The following ROCK2 variants were observed in gnomAD, a reference collection of about 807,000 sequenced individuals.
The protein encoded by ROCK2 is rho-associated protein kinase 2.
In ROCK2, 61 loss-of-function variants were observed where a neutral mutation model predicts 195.1. The ratio of observed to expected loss-of-function variants is 0.31; its 90% CI spans 0.25 to 0.39. The LOEUF is 0.39. ROCK2 is among the 10% of genes least tolerant of loss of function. The pLI is 1.00. For synonymous variants in ROCK2, 504 were observed against 545.5 expected, an observed-to-expected ratio of 0.92 and a Z score of 1.06; for missense variants, 1,109 against 1,637.4, an observed-to-expected ratio of 0.68 and a Z score of 5.57.
intron 1 of ROCK2, among the ~76,000 whole-genome samples, chr2:11,315,504 T>G (rs933055984): frequency 2.6e-5 from 4 of 152,096 alleles, no homozygotes; most frequent in Admixed American, 6.6e-5. Flanking sequence ...GTCGGCATAA[T>G]ATAAGTTTTA....
At chr2:11,187,636 T>C (rs1264898887) in intron 32 of ROCK2, among the ~76,000 whole-genome samples, 2 of 152,222 alleles carry the variant, frequency 1.3e-5, no homozygotes, top group African/African-American at 4.8e-5. Context: ...TAAGAACTTT[T>C]CGTATGTGAA....
intron 3 of ROCK2, among the ~76,000 whole-genome samples, chr2:11,273,793 T>C (rs973766753): frequency 6.6e-6 from 1 of 151,642 alleles, no homozygotes; most frequent in Non-Finnish European, 1.5e-5. Flanking sequence ...CCAACCACAA[T>C]GGGATGAAGT....
At position 11,303,551 on chromosome 2, in the gene ROCK2, G is replaced by A. The variant is rs532631644; in HGVS notation, c.142-15815C>T. ...TCCCATGATCTCTTCATTTCTTCTC[G>A]CCGCCTTCTCTACTTGATTACTGCC... is the stretch of plus-strand genomic sequence containing the variant. On this transcript the variant is annotated intron_variant, in intron 1 of 32. Transcript: ENST00000315872. 5.3e-5 allele frequency among the ~76,000 whole-genome samples: 8 copies of A among 151,864 alleles called. No homozygotes were observed. In the East Asian group the frequency reaches 5.8e-4, roughly 11 times the overall value.
At chr2:11,225,821 TACAA>T (rs1206804200) in intron 6 of ROCK2, among the ~76,000 whole-genome samples, 4 of 152,278 alleles carry the variant, frequency 2.6e-5, no homozygotes, top group Admixed American at 6.5e-5. Flanking sequence ...ATATGATGCG[TACAA>T]ACAGACTCAC....
rs1665061285 is a variant in ROCK2, at chr2:11,232,673, G to A, written c.723+3029C>T. On this transcript the variant is annotated intron_variant, in intron 5 of 32. Transcript: ENST00000315872. Reference sequence around the variant, plus strand: ...ACAACATTTTAAAAGTTCAGTATTTGTTAAAGAACACCTTTGACTACATCA... The same window carrying A: ...ACAACATTTTAAAAGTTCAGTATTTATTAAAGAACACCTTTGACTACATCA... Among the ~76,000 whole-genome samples, 3 of 152,100 alleles carry A rather than the reference G, an allele frequency of 2.0e-5. No homozygotes were observed. In the South Asian group the frequency reaches 6.2e-4, roughly 31 times the overall value.
At position 11,308,310 on chromosome 2, in the gene ROCK2, T is replaced by A. The variant is rs570114411; in HGVS notation, c.142-20574A>T. The A allele has an allele frequency of 6.3e-6, 7 of 1,118,184 alleles. No homozygotes were observed. The African/African-American group carries it at 1.1e-4, about 17-fold the overall frequency. 69.3% of individuals were successfully genotyped at this position (1,118,184 alleles called of 1,614,324 possible). The stretch of plus-strand genomic sequence containing the variant: ...GAGAACCTGAAGAAGCTAGAACCAA[T>A]CCTAAAGAATATTCTTACATATAAT... On this transcript the variant is annotated intron_variant, in intron 1 of 32. Coordinates refer to ENST00000315872, the MANE Select transcript of ROCK2 (RefSeq NM_004850.5).
chr2:11,194,054 C>CA (rs1663534662), intron 29 of ROCK2, 197 bp from the exon 30 acceptor site: 1 of 454,746 alleles, frequency 2.2e-6, no homozygotes, highest in African/African-American at 2.0e-5. Flanking sequence ...TAATTAGTTT[C>CA]AAAAAATAAT....
intron 1 of ROCK2, among the ~76,000 whole-genome samples, chr2:11,337,961 A>G (rs990888432): frequency 6.6e-6 from 1 of 152,136 alleles, no homozygotes; most frequent in African/African-American, 2.4e-5. Context: ...CTTAAAAAGT[A>G]AACACATATC....
chr2:11,229,710 T>C (rs1664938409), intron 5 of ROCK2, among the ~76,000 whole-genome samples: 1 of 150,096 alleles, frequency 6.7e-6, no homozygotes. Flanking sequence ...ATAAACTAAG[T>C]AACTATGGAA....
intron 20 of ROCK2, among the ~76,000 whole-genome samples, chr2:11,202,800 C>G (rs1420674654): frequency 6.6e-6 from 1 of 152,100 alleles, no homozygotes; most frequent in African/African-American, 2.4e-5. Context: ...CCGGCAGAAC[C>G]CTTGATAATT....
intron 18 of ROCK2, among the ~76,000 whole-genome samples, chr2:11,209,070 C>T (rs10454126): frequency 0.81 from 123,027 of 152,144 alleles, 51,335 homozygotes; most frequent in East Asian, 0.99. Context: ...TTCTTATATT[C>T]TACTGCTTAC....
chr2:11,319,148 G>T (rs1048200230), intron 1 of ROCK2, among the ~76,000 whole-genome samples: 4 of 152,142 alleles, frequency 2.6e-5, no homozygotes, highest in Non-Finnish European at 4.4e-5. Context: ...AAGAAAGTCA[G>T]TGGTAGCTTG....
intron 1 of ROCK2, among the ~76,000 whole-genome samples, chr2:11,337,233 A>C (rs1668956738): frequency 6.6e-6 from 1 of 151,964 alleles, no homozygotes; most frequent in Admixed American, 6.5e-5. Context: ...CAACTCAGCA[A>C]GACTCTACCT....
intron 5 of ROCK2, among the ~76,000 whole-genome samples, chr2:11,229,801 T>A (rs183367928): frequency 2.0e-5 from 3 of 152,266 alleles, no homozygotes; most frequent in African/African-American, 7.2e-5. Flanking sequence ...GGTTAGCAAA[T>A]CTGTTTGTCA....
intron 1 of ROCK2, among the ~76,000 whole-genome samples, chr2:11,320,457 C>T (rs1668366914): frequency 1.3e-5 from 2 of 152,168 alleles, no homozygotes; most frequent in South Asian, 4.1e-4. Flanking sequence ...AAGACACCAA[C>T]ATTGAGTCCT....
intron 1 of ROCK2, among the ~76,000 whole-genome samples, chr2:11,330,616 T>C (rs946409494): frequency 4.6e-5 from 7 of 151,924 alleles, no homozygotes; most frequent in Admixed American, 3.9e-4. Context: ...AAGCGGAGGC[T>C]GCAGTGAGCC....
At chr2:11,203,344 CAT>C (rs1408871675) in intron 20 of ROCK2, among the ~76,000 whole-genome samples, 1 of 152,104 alleles carries the variant, frequency 6.6e-6, no homozygotes, top group African/African-American at 2.4e-5. Flanking sequence ...CTCAACCTCA[CAT>C]ATATTTGTTC....
chr2:11,319,216 T>C (rs1668324703), intron 1 of ROCK2, among the ~76,000 whole-genome samples: 1 of 152,248 alleles, frequency 6.6e-6, no homozygotes, highest in Non-Finnish European at 1.5e-5. Context: ...TTCCACAATA[T>C]TGATTCTTCC....
chr2:11,293,495 G>A (rs1667422006), intron 1 of ROCK2, among the ~76,000 whole-genome samples: 1 of 152,198 alleles, frequency 6.6e-6, no homozygotes, highest in Non-Finnish European at 1.5e-5. Flanking sequence ...GCAAAAGACA[G>A]GAGCAATAGG....
Sources: allele counts gnomAD v4.1 joint callset (sites outside exome capture counted in the v4.1 genomes callset), GRCh38; gene constraint gnomAD v4.1.1; transcripts MANE v1.5; gene names NCBI Gene and HGNC (gene_info 2026-07-23, HGNC 2026-07-21).